The following ERC1 variants were observed in gnomAD, a reference collection of about 807,000 sequenced individuals.
The protein encoded by ERC1 is RAB6 interacting protein 2.
In ERC1, 56 loss-of-function variants were observed where a neutral mutation model predicts 132.0. The ratio of observed to expected loss-of-function variants is 0.42; its 90% CI spans 0.34 to 0.53. ERC1 has a LOEUF of 0.53. Among genes scored for constraint, ERC1 ranks in the 20% least tolerant of loss-of-function variants. The pLI is 0.03. For missense variants in ERC1, 1,202 were observed against 1,349.9 expected, an observed-to-expected ratio of 0.89 and a Z score of 1.72; for synonymous variants, 478 against 476.1, an observed-to-expected ratio of 1.00 and a Z score of -0.05.
chr12:1,146,231 T>C (rs2154251557), intron 8 of ERC1, among the ~76,000 whole-genome samples: 1 of 152,076 alleles, frequency 6.6e-6, no homozygotes, highest in South Asian at 2.1e-4. Context: ...TTTGTTTGTG[T>C]CATCTGTGAT....
rs941180253 is a variant in ERC1, at chr12:1,449,681, T to A, written c.3213+4931T>A. On this transcript the variant is annotated intron_variant, in intron 18 of 18. Coordinates refer to ENST00000360905, the MANE Select transcript of ERC1 (RefSeq NM_178040.4). ...AGCGTGAGAATGGGCTGACACACTA[T>A]GTCTTTCTATTTAAGGTGGGTTTCT... Among the ~76,000 whole-genome samples the A allele has an allele frequency of 7.9e-5, 12 of 152,194 alleles. 1 individual carries two copies. Among genetic ancestry groups the A allele is most frequent in the African/African-American group, 2.9e-4 (12 of 41,448 alleles).
chr12:1,482,324 G>C (rs1227215624), intron 18 of ERC1, among the ~76,000 whole-genome samples: 3 of 138,826 alleles, frequency 2.2e-5, no homozygotes, highest in African/African-American at 5.3e-5. Context: ...CCCCAACCCT[G>C]CCTTCCTTTC....
At chr12:1,426,602 A>C (rs150504705) in intron 17 of ERC1, among the ~76,000 whole-genome samples, 1 of 152,188 alleles carries the variant, frequency 6.6e-6, no homozygotes, top group Non-Finnish European at 1.5e-5. Flanking sequence ...GCTCTAGACT[A>C]TACAGCTTTT....
At chr12:1,343,902 C>T (rs913688076) in intron 15 of ERC1, among the ~76,000 whole-genome samples, 5 of 151,898 alleles carry the variant, frequency 3.3e-5, no homozygotes, top group East Asian at 3.9e-4. Context: ...AGTGCAGTGG[C>T]GCGATCTCCG....
chr12:990,893 C>T (rs982351801), upstream of ERC1, among the ~76,000 whole-genome samples: 1 of 151,944 alleles, frequency 6.6e-6, no homozygotes, highest in Non-Finnish European at 1.5e-5. Context: ...CCTGCGCTCG[C>T]GGAGCCGACC....
Position 1,369,789 on chromosome 12 carries a change from G to C in ERC1, c.2781-2044G>C, listed in dbSNP as rs139032269. Among the ~76,000 whole-genome samples the C allele has an allele frequency of 1.7e-3, 258 of 152,228 alleles. 1 individual carries two copies. The highest frequency in any genetic ancestry group is 2.8e-3 in the Non-Finnish European group (193 of 68,018). On this transcript the variant is annotated intron_variant, in intron 15 of 18. Transcript: ENST00000360905. ...GTTGCCTGCCATTTCTTAGAATTACGTAGTGTGGGGACAGTGCGATGAGAA... is the reference window on the plus strand; with the variant it reads ...GTTGCCTGCCATTTCTTAGAATTACCTAGTGTGGGGACAGTGCGATGAGAA...
At chr12:1,247,422 A>T (rs191331840) in intron 13 of ERC1, among the ~76,000 whole-genome samples, 78 of 152,300 alleles carry the variant, frequency 5.1e-4, no homozygotes, top group African/African-American at 1.7e-3. Context: ...TAAGGAGCAG[A>T]TGGGCACTGT....
chr12:1,484,583 C>CTTTTT (rs542712129), intron 18 of ERC1, among the ~76,000 whole-genome samples: 5 of 138,142 alleles, frequency 3.6e-5, no homozygotes, highest in African/African-American at 1.4e-4. Flanking sequence ...TTTTCTTTTC[C>CTTTTT]TTTTTTTTTT....
intron 18 of ERC1, among the ~76,000 whole-genome samples, chr12:1,472,782 ATACT>A (rs2093889304): frequency 6.6e-6 from 1 of 152,232 alleles, no homozygotes; most frequent in African/African-American, 2.4e-5. Context: ...CACTCAGTAA[ATACT>A]TAATGAACAC....
chr12:1,457,706 A>G lies in ERC1; in HGVS notation c.3213+12956A>G, dbSNP rs970339503. 8.5e-5 allele frequency among the ~76,000 whole-genome samples: 13 copies of G among 152,060 alleles called. 1 individual carries two copies. Among genetic ancestry groups the G allele is most frequent in the Admixed American group, 7.2e-4 (11 of 15,262 alleles). On this transcript the variant is annotated intron_variant, in intron 18 of 18. Coordinates refer to ENST00000360905, the MANE Select transcript of ERC1 (RefSeq NM_178040.4). Reference sequence around the variant, plus strand: ...CTATTCAGTGTTCAAGTATAGAGTCATACACTTTAAAAGTTAATCGAAAAA... The same window carrying G: ...CTATTCAGTGTTCAAGTATAGAGTCGTACACTTTAAAAGTTAATCGAAAAA...
intron 12 of ERC1, among the ~76,000 whole-genome samples, chr12:1,222,586 T>C (rs918629427): frequency 1.3e-4 from 20 of 152,350 alleles, no homozygotes; most frequent in African/African-American, 4.8e-4. Context: ...GCTTTAGCAA[T>C]GTCATTTTAT....
intron 8 of ERC1, among the ~76,000 whole-genome samples, chr12:1,172,730 A>C (rs1017378781): frequency 1.3e-5 from 2 of 151,786 alleles, no homozygotes; most frequent in African/African-American, 4.8e-5. Flanking sequence ...TGGGATTATA[A>C]AATGTATCCT....
chr12:1,454,899 A>T (rs1041056043), intron 18 of ERC1, among the ~76,000 whole-genome samples: 5 of 152,192 alleles, frequency 3.3e-5, no homozygotes, highest in African/African-American at 1.2e-4. Context: ...TAGTCATTTG[A>T]TAATAGAAGA....
rs1279858828 is a variant in ERC1, at chr12:1,494,390, A to G, written c.*4160A>G. On this transcript the variant is annotated 3_prime_UTR_variant, in exon 19 of 19. Transcript: ENST00000360905. Reference sequence around the variant, plus strand: ...ATGCAAATTAGGGAAGAATTAGGCAAGAAAAGACATACATTACAGGGAAAT... The same window carrying G: ...ATGCAAATTAGGGAAGAATTAGGCAGGAAAAGACATACATTACAGGGAAAT... The G allele has an allele frequency of 4.3e-6, 1 of 232,042 alleles. No homozygotes were observed. The highest frequency in any genetic ancestry group is 2.2e-5 in the African/African-American group (1 of 45,300). 14.4% of individuals were successfully genotyped at this position (232,042 alleles called of 1,614,324 possible). A position where few individuals can be genotyped will look rare whatever the true frequency, so the allele number is the denominator to read the frequency against.
chr12:1,027,265 T>G (rs534163699), intron 1 of ERC1, among the ~76,000 whole-genome samples: 5 of 152,366 alleles, frequency 3.3e-5, no homozygotes, highest in African/African-American at 1.2e-4. Context: ...TTTGTTGAGT[T>G]CTGTTATTCT....
At chr12:1,050,582 C>T (rs1437397766) in intron 2 of ERC1, among the ~76,000 whole-genome samples, 1 of 152,132 alleles carries the variant, frequency 6.6e-6, no homozygotes, top group African/African-American at 2.4e-5. Flanking sequence ...ACCATCTATT[C>T]AGTGTTTTCC....
At chr12:1,000,421 G>A (rs901463830) in intron 1 of ERC1, among the ~76,000 whole-genome samples, 2 of 151,784 alleles carry the variant, frequency 1.3e-5, no homozygotes, top group Non-Finnish European at 2.9e-5. Flanking sequence ...TGGAGGCGGA[G>A]GTTGCAGTGA....
rs1334014260 is a variant in ERC1 at position 1,494,013 on chromosome 12, C to T, written c.*3783C>T. On this transcript the variant is annotated 3_prime_UTR_variant, in exon 19 of 19. Coordinates refer to ENST00000360905, the MANE Select transcript of ERC1 (RefSeq NM_178040.4). Reference sequence around the variant, plus strand: ...AGTCCTGTTCCTCCCAGAACCATCCCGCCCTCCTGTTGACCATGTTACTTG... The same window carrying T: ...AGTCCTGTTCCTCCCAGAACCATCCTGCCCTCCTGTTGACCATGTTACTTG... 8.6e-6 allele frequency: 2 copies of T among 232,290 alleles called. No homozygotes were observed. The highest frequency in any genetic ancestry group is 4.4e-5 in the African/African-American group (2 of 45,246). The allele number at this position is 232,290 out of a possible 1,614,324, so 14.4% of individuals were successfully genotyped here. A position where few individuals can be genotyped will look rare whatever the true frequency, so the allele number is the denominator to read the frequency against.
chr12:1,093,134 C>G (rs1367953565), intron 3 of ERC1, among the ~76,000 whole-genome samples: 1 of 150,778 alleles, frequency 6.6e-6, no homozygotes, highest in African/African-American at 2.4e-5. Context: ...TTAGTAGTAA[C>G]ATTTGTAATT....
Sources: gnomAD v4.1 joint callset for allele counts (sites outside exome capture counted in the v4.1 genomes callset) on GRCh38, gnomAD v4.1.1 for gene constraint, MANE v1.5 for transcripts, NCBI Gene and HGNC (gene_info 2026-07-23, HGNC 2026-07-21) for gene names.